Variants in ZNF639 observed in about 807,000 individuals in gnomAD.
ZNF639 encodes the protein zinc finger amplified in esophageal squamous cell carcinomas 1.
ZNF639 carries 20 observed loss-of-function variants against 39.8 expected under a neutral mutation model. The ratio of observed to expected loss-of-function variants is 0.50; its 90% CI spans 0.35 to 0.73. The LOEUF (loss-of-function observed/expected upper bound fraction) is 0.73, where lower values mean the gene tolerates loss of function less well. Among genes scored for constraint, ZNF639 ranks in the 30% least tolerant of loss-of-function variants. The pLI, the probability that ZNF639 is intolerant of heterozygous loss-of-function variation, is 0.00. For synonymous variants in ZNF639, 176 were observed against 189.8 expected (o/e 0.93, Z 0.60); for missense variants, 477 against 566.2 (o/e 0.84, Z 1.60).
intron 5 of ZNF639, 51 bp downstream of exon 5, chr3:179,333,174 A>T (rs535962990): frequency 3.6e-5 from 57 of 1,563,538 alleles, no homozygotes; most frequent in Admixed American, 2.1e-4. Flanking sequence ...GGTGAATTTT[A>T]AAAAAAGTGC....
Position 179,333,804 on chromosome 3 carries a change from A to G in ZNF639, c.840A>G (p.Ala280=), listed in dbSNP as rs202243964. The G allele has an allele frequency of 6.2e-7, 1 of 1,614,214 alleles. No individual in the cohort carries two copies. The highest frequency in any genetic ancestry group is 2.2e-5 in the East Asian group (1 of 44,882). The change falls in exon 6 of 6, where the codon GCA becomes GCG. Residue 280 remains alanine (A), a synonymous_variant. Transcript: ENST00000496856. ...VIFENLSQHI[A]DTHFSDHLYW... ...TTGAGAACCTCAGCCAGCACATTGC[A>G]GACACCCATTTTAGTGATCACCTCT...
Position 179,334,963 on chromosome 3 carries a change from CTATT to C in ZNF639, c.*542_*545del, listed in dbSNP as rs757055281. Reference sequence around the variant, plus strand: ...TAAAAAAAAATTTTTGAGCCACTATCTATTGTTGAATATTTTAAGATGGGATGAG... The same window carrying C: ...TAAAAAAAAATTTTTGAGCCACTATCGTTGAATATTTTAAGATGGGATGAG... On this transcript the variant is annotated 3_prime_UTR_variant, in exon 6 of 6. Transcript: ENST00000496856. 5.9e-5 allele frequency: 9 copies of C among 152,148 alleles called. No individual in the cohort carries two copies. The highest frequency in any genetic ancestry group is 1.3e-4 in the Admixed American group (2 of 15,272). 9.4% of individuals were successfully genotyped at this position (152,148 alleles called of 1,614,324 possible).
chr3:179,332,356 C>G (rs979645224), intron 4 of ZNF639, among the ~76,000 whole-genome samples: 2 of 152,180 alleles, frequency 1.3e-5, no homozygotes, highest in Non-Finnish European at 2.9e-5. Flanking sequence ...AGTGTGGTGG[C>G]TCACGCCTGT....
rs753523398 is a variant in ZNF639, at chr3:179,333,590, G to A, written c.626G>A (p.Cys209Tyr). The part of the protein sequence containing the change: ...NSSGLYKCEL[C>Y]EFNSKYFSDL... Reference sequence around the variant, plus strand: ...AGTGGCCTCTATAAATGTGAACTTTGTGAGTTTAACAGCAAATATTTTTCT... The same window carrying A: ...AGTGGCCTCTATAAATGTGAACTTTATGAGTTTAACAGCAAATATTTTTCT... The change falls in exon 6 of 6, where the codon TGT (cysteine) becomes TAT (tyrosine). Residue 209 changes from cysteine to tyrosine, a missense_variant. By Grantham distance (194) the Cys-to-Tyr change is radical. Transcript: ENST00000496856. 2 of 1,613,960 alleles carry A rather than the reference G, an allele frequency of 1.2e-6. No homozygotes were observed. The highest frequency in any genetic ancestry group is 1.3e-5 in the African/African-American group (1 of 74,900).
chr3:179,326,107 G>T (rs1473312814), intron 1 of ZNF639, among the ~76,000 whole-genome samples: 1 of 152,066 alleles, frequency 6.6e-6, no homozygotes, highest in Non-Finnish European at 1.5e-5. Flanking sequence ...GAGGTGGGCG[G>T]ATCACTTGAG....
At chr3:179,325,798 A>C (rs550161454) in intron 1 of ZNF639, among the ~76,000 whole-genome samples, 3 of 151,816 alleles carry the variant, frequency 2.0e-5, no homozygotes, top group Non-Finnish European at 4.4e-5. Context: ...GGAGAATGGC[A>C]TGAACCCGGG....
In ZNF639 at chr3:179,329,641, G is replaced by A; in HGVS notation, c.82G>A (p.Ala28Thr). ...YSDSSGISRI[A>T]DGFNGIFSDH... ...AGATTCCTCTGGAATAAGCAGAATT[G>A]CAGATGGATTCAATGGAATTTTCTC... The change falls in exon 4 of 6, where the codon GCA becomes ACA. Residue 28 changes from alanine to threonine, a missense_variant. Physicochemically the swap from Ala to Thr is moderately conservative, Grantham distance 58. Coordinates refer to ENST00000496856, the MANE Select transcript of ZNF639 (RefSeq NM_001303426.2). 1 of 1,605,686 alleles carries A rather than the reference G, an allele frequency of 6.2e-7. No individual in the cohort carries two copies. The highest frequency in any genetic ancestry group is 2.2e-5 in the East Asian group (1 of 44,612).
At chr3:179,328,088 GT>G in intron 2 of ZNF639, 194 bp from the exon 3 acceptor site, 1 of 404,746 alleles carries the variant, frequency 2.5e-6, no homozygotes, top group Non-Finnish European at 4.4e-6. Context: ...ACAGAAATCA[GT>G]TTCTGCCTTG....
At chr3:179,332,801 A>C (rs563671920) in intron 4 of ZNF639, among the ~76,000 whole-genome samples, 188 bp from the exon 5 acceptor site, 23 of 152,340 alleles carry the variant, frequency 1.5e-4, no homozygotes, top group Admixed American at 3.3e-4. Context: ...CATCAATTCT[A>C]AAGCATTTGC....
At chr3:179,324,629 G>A (rs2108490742) in intron 1 of ZNF639, among the ~76,000 whole-genome samples, 1 of 152,334 alleles carries the variant, frequency 6.6e-6, no homozygotes, top group South Asian at 2.1e-4. Flanking sequence ...AAGTCCGATA[G>A]ACATTTGGTT....
chr3:179,322,965 G>T (rs1481559453), upstream of ZNF639: 4 of 985,108 alleles, frequency 4.1e-6, no homozygotes, highest in Non-Finnish European at 4.8e-6. Context: ...TGTGCGGTGC[G>T]TTCGCGCAGC....
Position 179,329,909 on chromosome 3 carries a change from CTTTTT to C in ZNF639, c.169+198_169+202del. On this transcript the variant is annotated intron_variant, in intron 4 of 5. Transcript: ENST00000496856. The stretch of plus-strand genomic sequence containing the variant: ...AAGAAAGCAAGTAATTTTAACTATT[CTTTTT>C]TTTTTTTTTTTTTTTTGAGATGGAG... The C allele has an allele frequency of 1.2e-4, 25 of 206,916 alleles. 1 individual carries two copies. Among genetic ancestry groups the C allele is most frequent in the South Asian group, 3.1e-4 (4 of 12,816 alleles). The allele number at this position is 206,916 out of a possible 1,614,324, so 12.8% of individuals were successfully genotyped here.
At position 179,336,051 on chromosome 3, in the gene ZNF639, AAAGTGCTGGGATTACAGGC is replaced by A. The variant is rs1376750358; in HGVS notation, c.*1631_*1649del. Reference sequence around the variant, plus strand: ...GGTGATCCACCTGCCTCAGTCTCCCAAAGTGCTGGGATTACAGGCATGAGGCACCGCCCCAGGCCAAATT... The same window carrying A: ...GGTGATCCACCTGCCTCAGTCTCCCAATGAGGCACCGCCCCAGGCCAAATT... On this transcript the variant is annotated 3_prime_UTR_variant, in exon 6 of 6. Transcript: ENST00000496856. 6.6e-6 allele frequency: 1 copy of A among 152,170 alleles called. No homozygotes were observed. The highest frequency in any genetic ancestry group is 2.1e-4 in the South Asian group (1 of 4,832). The allele number at this position is 152,170 out of a possible 1,614,324, so 9.4% of individuals were successfully genotyped here.
At chr3:179,327,479 A>C (rs1169468576) in intron 1 of ZNF639, 82 bp from the exon 2 acceptor site, 1 of 152,202 alleles carries the variant, frequency 6.6e-6, no homozygotes, top group Non-Finnish European at 1.5e-5. Context: ...CAATTGATTA[A>C]AGATCTGGTG....
Position 179,334,491 on chromosome 3 carries a change from A to T in ZNF639, c.*69A>T. 1 of 1,246,994 alleles carries T rather than the reference A, an allele frequency of 8.0e-7. No homozygotes were observed. The allele number at this position is 1,246,994 out of a possible 1,614,324, so 77.2% of individuals were successfully genotyped here. ...TCATCCTTTTTTTGGAGATGATTAAATGGATGATTGTAAACACAACTTATG... is the reference window on the plus strand; with the variant it reads ...TCATCCTTTTTTTGGAGATGATTAATTGGATGATTGTAAACACAACTTATG... On this transcript the variant is annotated 3_prime_UTR_variant, in exon 6 of 6. Coordinates refer to ENST00000496856, the MANE Select transcript of ZNF639 (RefSeq NM_001303426.2).
chr3:179,326,859 TTAAA>T (rs1292909450), intron 1 of ZNF639, among the ~76,000 whole-genome samples: 6 of 151,906 alleles, frequency 3.9e-5, no homozygotes, highest in African/African-American at 1.5e-4. Context: ...CTTTTATTTC[TTAAA>T]TAAATAATCT....
In ZNF639 at chr3:179,336,954, T is replaced by C. The variant is rs2108511892; in HGVS notation, c.*2532T>C. On this transcript the variant is annotated 3_prime_UTR_variant, in exon 6 of 6. Transcript: ENST00000496856. ...TTTGCTGCTTTACATTTGGATCAAG[T>C]GTTAGTAATTGAAAAGATTGCAGGC... 6.6e-6 allele frequency: 1 copy of C among 152,326 alleles called. No homozygotes were observed. Among genetic ancestry groups the C allele is most frequent in the South Asian group, 2.1e-4 (1 of 4,822 alleles). 9.4% of individuals were successfully genotyped at this position (152,326 alleles called of 1,614,324 possible). A position where few individuals can be genotyped will look rare whatever the true frequency, so the allele number is the denominator to read the frequency against.
Position 179,338,068 on chromosome 3 carries a change from CTTTATT to C in ZNF639, c.*3651_*3656del, listed in dbSNP as rs1384131500. The C allele has an allele frequency of 6.6e-6, 1 of 152,096 alleles. No homozygotes were observed. Among genetic ancestry groups the C allele is most frequent in the East Asian group, 1.9e-4 (1 of 5,188 alleles). The allele number at this position is 152,096 out of a possible 1,614,324, so 9.4% of individuals were successfully genotyped here. A position where few individuals can be genotyped will look rare whatever the true frequency, so the allele number is the denominator to read the frequency against. Reference sequence around the variant, plus strand: ...GCCTGAGCCACCACGCCCGGCCAGTCTTTATTTTTAACTTAAAGAACTTCAGAAAAA... The same window carrying C: ...GCCTGAGCCACCACGCCCGGCCAGTCTTTAACTTAAAGAACTTCAGAAAAA... On this transcript the variant is annotated 3_prime_UTR_variant, in exon 6 of 6. Transcript: ENST00000496856.
At chr3:179,328,087 A>T (rs1727698148) in intron 2 of ZNF639, 196 bp from the exon 3 acceptor site, 1 of 403,150 alleles carries the variant, frequency 2.5e-6, no homozygotes, top group Non-Finnish European at 4.4e-6. Context: ...AACAGAAATC[A>T]GTTTCTGCCT....
Sources: allele counts gnomAD v4.1 joint callset (sites outside exome capture counted in the v4.1 genomes callset), GRCh38; gene constraint gnomAD v4.1.1; transcripts MANE v1.5; gene names NCBI Gene and HGNC (gene_info 2026-07-23, HGNC 2026-07-21).